The following CNKSR2 variants were observed in gnomAD, a reference collection of about 807,000 sequenced individuals.
The protein encoded by CNKSR2 is connector enhancer of kinase suppressor of Ras 2.
Under a neutral mutation model 84.4 loss-of-function variants are expected in CNKSR2, and 14 were observed. That is an observed-to-expected ratio of 0.17 (90% CI 0.11 to 0.26). The LOEUF is 0.26. CNKSR2 is among the 10% of genes least tolerant of loss of function. The pLI, the probability that CNKSR2 is intolerant of heterozygous loss-of-function variation, is 1.00. For missense variants in CNKSR2, 485 were observed against 771.2 expected, an observed-to-expected ratio of 0.63 and a Z score of 4.40; for synonymous variants, 275 against 277.9, an observed-to-expected ratio of 0.99 and a Z score of 0.10.
At chrX:21,395,507 A>T (rs1244147910) in intron 1 of CNKSR2, among the ~76,000 whole-genome samples, 7 of 110,968 alleles carry the variant, frequency 6.3e-5, no homozygotes, top group Non-Finnish European at 1.3e-4. Context: ...TTCATAACTC[A>T]TTTGTTAAAA....
intron 2 of CNKSR2, chrX:21,427,766 TA>T (rs2090584571): frequency 8.9e-6 from 1 of 112,455 alleles, no homozygotes; most frequent in South Asian, 3.6e-4. Flanking sequence ...CTGAAACATA[TA>T]CAGTCCATTA....
intron 11 of CNKSR2, among the ~76,000 whole-genome samples, chrX:21,547,172 C>T (rs1210228558): frequency 1.8e-5 from 2 of 110,916 alleles, no homozygotes; most frequent in Admixed American, 9.6e-5. Context: ...GTGTAGTATA[C>T]TCAGGAGACC....
At chrX:21,492,310 T>C (rs1353244207) in intron 6 of CNKSR2, 1 of 111,645 alleles carries the variant, frequency 9.0e-6, no homozygotes, top group African/African-American at 3.3e-5. Context: ...CTTAAAATGC[T>C]AAGAACCAGA....
intron 17 of CNKSR2, among the ~76,000 whole-genome samples, chrX:21,595,636 A>G (rs894644590): frequency 3.6e-5 from 4 of 111,649 alleles, no homozygotes; most frequent in Non-Finnish European, 7.5e-5. Flanking sequence ...AAAAAAATCT[A>G]CCACCAAAAA....
intron 20 of CNKSR2, among the ~76,000 whole-genome samples, chrX:21,618,625 G>A (rs1340410766): frequency 1.8e-5 from 2 of 111,672 alleles, no homozygotes; most frequent in Non-Finnish European, 1.9e-5. Flanking sequence ...ATCACTGATT[G>A]ACTTCAGAGC....
chrX:21,376,487 G>T (rs1453395655), intron 1 of CNKSR2, among the ~76,000 whole-genome samples: 1 of 111,484 alleles, frequency 9.0e-6, no homozygotes. Flanking sequence ...GTGCCATGGG[G>T]GATATAAAGA....
At chrX:21,437,948 AT>A (rs1172755465) in intron 3 of CNKSR2, among the ~76,000 whole-genome samples, 5 of 110,690 alleles carry the variant, frequency 4.5e-5, no homozygotes, top group African/African-American at 1.6e-4. Context: ...GATTAATCAC[AT>A]TTTTTTCTAA....
At chrX:21,641,800 G>A (rs894824046) in intron 20 of CNKSR2, 2 of 984,650 alleles carry the variant, frequency 2.0e-6, no homozygotes, top group African/African-American at 4.0e-5. Context: ...GATATAAGAG[G>A]GGCAGGCCAC....
chrX:21,509,883 CAAAG>C (rs955402642), intron 8 of CNKSR2, among the ~76,000 whole-genome samples: 2 of 111,115 alleles, frequency 1.8e-5, no homozygotes, highest in African/African-American at 6.5e-5. Context: ...ATTGTTTTCC[CAAAG>C]AAAGAGGTAG....
At chrX:21,443,374 G>A (rs2147090362) in intron 4 of CNKSR2, among the ~76,000 whole-genome samples, 1 of 111,423 alleles carries the variant, frequency 9.0e-6, no homozygotes, top group African/African-American at 3.3e-5. Context: ...GGTGCTGAGG[G>A]AAAAATTCAA....
chrX:21,515,992 G>C (rs1183039561), intron 8 of CNKSR2, among the ~76,000 whole-genome samples: 1 of 111,697 alleles, frequency 9.0e-6, no homozygotes, highest in Non-Finnish European at 1.9e-5. Context: ...TGGTGTGTCA[G>C]TACCAGCTAT....
intron 11 of CNKSR2, among the ~76,000 whole-genome samples, chrX:21,534,111 C>T (rs2091907624): frequency 9.1e-6 from 1 of 109,641 alleles, no homozygotes; most frequent in Admixed American, 9.8e-5. Context: ...CCATTCTCAG[C>T]CTCCAGTAAC....
chrX:21,391,599 A>G (rs2090052155), intron 1 of CNKSR2, among the ~76,000 whole-genome samples: 1 of 111,849 alleles, frequency 8.9e-6, no homozygotes. Flanking sequence ...CCAGCCTACA[A>G]AAACCATTCT....
chrX:21,470,486 T>C (rs2091184157), intron 4 of CNKSR2, among the ~76,000 whole-genome samples: 1 of 111,138 alleles, frequency 9.0e-6, no homozygotes, highest in African/African-American at 3.3e-5. Flanking sequence ...TCAATATTTG[T>C]TTTTAAAAGT....
At chrX:21,639,793 C>T (rs1307643704) in intron 20 of CNKSR2, among the ~76,000 whole-genome samples, 10 of 111,660 alleles carry the variant, frequency 9.0e-5, no homozygotes, top group Non-Finnish European at 1.3e-4. Context: ...GCAGTGGGCA[C>T]AAGAATCACC....
chrX:21,633,378 A>T (rs1470127131), intron 20 of CNKSR2, among the ~76,000 whole-genome samples: 1 of 112,484 alleles, frequency 8.9e-6, no homozygotes, highest in African/African-American at 3.2e-5. Context: ...CTTATTTTTT[A>T]AAATATATTA....
chrX:21,557,076 G>A (rs2092146260), intron 11 of CNKSR2, among the ~76,000 whole-genome samples: 1 of 110,040 alleles, frequency 9.1e-6, no homozygotes, highest in Non-Finnish European at 1.9e-5. Flanking sequence ...TATGCTAAAG[G>A]CACTAGGAAA....
At chrX:21,604,910 A>C (rs1458438485) in intron 18 of CNKSR2, among the ~76,000 whole-genome samples, 1 of 111,986 alleles carries the variant, frequency 8.9e-6, no homozygotes, top group Admixed American at 9.5e-5. Flanking sequence ...TCTAAGAAGA[A>C]GAACACCAGG....
intron 10 of CNKSR2, 75 bp downstream of exon 10, chrX:21,527,075 A>G (rs965114773): frequency 3.3e-6 from 3 of 895,676 alleles, no homozygotes; most frequent in African/African-American, 2.0e-5. Flanking sequence ...TGCAAAGTCA[A>G]TTCTGAAGGA....
Sources: gnomAD v4.1 joint callset for allele counts (sites outside exome capture counted in the v4.1 genomes callset) on GRCh38, gnomAD v4.1.1 for gene constraint, MANE v1.5 for transcripts, NCBI Gene and HGNC (gene_info 2026-07-23, HGNC 2026-07-21) for gene names.